AFAP1: variants seen among roughly 807,000 people sequenced by gnomAD.
AFAP1 encodes the protein actin filament associated protein 1, also known as actin filament-associated protein 1.
A neutral mutation model predicts 93.9 loss-of-function variants in AFAP1; 75 were observed. The observed-to-expected ratio is 0.80, with a 90% CI of 0.66 to 0.97. The LOEUF (loss-of-function observed/expected upper bound fraction) is 0.97. AFAP1 is among the 50% of genes least tolerant of loss of function. The probability of loss-of-function intolerance (pLI) is 0.00; values close to 1 mark genes in which losing one functional copy is unlikely to be tolerated. For missense variants in AFAP1, 1,201 were observed against 1,050.8 expected, an observed-to-expected ratio of 1.14 and a Z score of -1.98; for synonymous variants, 517 against 430.7, an observed-to-expected ratio of 1.20 and a Z score of -2.48.
chr4:7,855,098 C>T (rs571346037), intron 4 of AFAP1, among the ~76,000 whole-genome samples: 52 of 152,328 alleles, frequency 3.4e-4, no homozygotes, highest in Non-Finnish European at 2.2e-4. Context: ...CTGCTTTAAT[C>T]GTGGCAGAAT....
chr4:7,840,326 GTGTT>G (rs1712863400), intron 5 of AFAP1, among the ~76,000 whole-genome samples: 1 of 140,010 alleles, frequency 7.1e-6, no homozygotes, highest in Non-Finnish European at 1.5e-5. Flanking sequence ...GTGTGTGTGT[GTGTT>G]TGAGATGAAG....
chr4:7,799,624 G>C (rs1411124815), intron 10 of AFAP1, among the ~76,000 whole-genome samples: 5 of 152,290 alleles, frequency 3.3e-5, no homozygotes, highest in Middle Eastern at 3.4e-3. Context: ...TGAATGCACA[G>C]ATCTGTCTGT....
chr4:7,847,926 G>A (rs1421147968), intron 4 of AFAP1, among the ~76,000 whole-genome samples: 2 of 151,890 alleles, frequency 1.3e-5, no homozygotes, highest in Non-Finnish European at 2.9e-5. Flanking sequence ...TTGTTGATTA[G>A]GAAATGCTCT....
chr4:7,872,250 C>G (rs1259496727), intron 1 of AFAP1, 170 bp from the exon 2 acceptor site: 13 of 746,688 alleles, frequency 1.7e-5, no homozygotes, highest in Non-Finnish European at 2.7e-5. Context: ...ATTCAGGCGT[C>G]TTCTTCTTAA....
intron 7 of AFAP1, among the ~76,000 whole-genome samples, chr4:7,818,773 C>A (rs183050929): frequency 6.6e-6 from 1 of 152,248 alleles, no homozygotes; most frequent in Non-Finnish European, 1.5e-5. Flanking sequence ...CGGAAGTAGA[C>A]AGGCTTGCCT....
Position 7,763,617 on chromosome 4 carries a change from G to T in AFAP1, c.*148C>A. On this transcript the variant is annotated 3_prime_UTR_variant, in exon 18 of 18. Transcript: ENST00000420658. ...TAGAAAGAATACAAGTGGGCCTGGG[G>T]GACAGGCACTGGCCTCAGAGCTCAG... The T allele has an allele frequency of 1.2e-6, 1 of 800,558 alleles. No individual in the cohort carries two copies. Among genetic ancestry groups the T allele is most frequent in the Non-Finnish European group, 1.9e-6 (1 of 513,698 alleles). 49.6% of individuals were successfully genotyped at this position (800,558 alleles called of 1,614,324 possible).
At chr4:7,782,163 A>G (rs1716838857) in intron 12 of AFAP1, among the ~76,000 whole-genome samples, 1 of 152,216 alleles carries the variant, frequency 6.6e-6, no homozygotes, top group African/African-American at 2.4e-5. Context: ...TTCGTCTCAC[A>G]GTCATCCGGG....
chr4:7,848,902 T>C (rs1022366993), intron 4 of AFAP1, among the ~76,000 whole-genome samples: 1 of 152,210 alleles, frequency 6.6e-6, no homozygotes, highest in Admixed American at 6.5e-5. Context: ...AAAATGTTTA[T>C]TCCAGAAAAA....
chr4:7,800,712 C>A, intron 9 of AFAP1, 59 bp from the exon 10 acceptor site: 1 of 1,564,482 alleles, frequency 6.4e-7, no homozygotes, highest in Non-Finnish European at 8.8e-7. Context: ...GAGGTGAAGA[C>A]GTCTAGGGTC....
At chr4:7,930,554 A>C (rs1380780873) in intron 1 of AFAP1, among the ~76,000 whole-genome samples, 1 of 152,124 alleles carries the variant, frequency 6.6e-6, no homozygotes, top group African/African-American at 2.4e-5. Flanking sequence ...CTGTCATCTC[A>C]TTATCATACA....
intron 1 of AFAP1, among the ~76,000 whole-genome samples, chr4:7,885,688 T>C (rs569025718): frequency 6.6e-6 from 1 of 152,232 alleles, no homozygotes; most frequent in Non-Finnish European, 1.5e-5. Flanking sequence ...ATAGACAACA[T>C]TCCTGAGATC....
intron 3 of AFAP1, among the ~76,000 whole-genome samples, chr4:7,862,517 G>A (rs1175144521): frequency 1.3e-5 from 2 of 151,880 alleles, no homozygotes; most frequent in Non-Finnish European, 2.9e-5. Context: ...ACAATACTAC[G>A]AATGTACTTC....
At chr4:7,827,569 C>CAAAAAAAAAAGAAA (rs1721538228) in intron 6 of AFAP1, among the ~76,000 whole-genome samples, 1 of 52,254 alleles carries the variant, frequency 1.9e-5, no homozygotes, top group Non-Finnish European at 3.4e-5. Context: ...ACTCTGTCTC[C>CAAAAAAAAAAGAAA]AAAAAAAAAA....
chr4:7,842,199 G>A (rs1713096000), intron 5 of AFAP1, among the ~76,000 whole-genome samples: 1 of 143,504 alleles, frequency 7.0e-6, no homozygotes, highest in African/African-American at 2.6e-5. Context: ...TATGTACTCT[G>A]TTTTAAAAAA....
At chr4:7,828,444 G>A (rs1314243010) in intron 6 of AFAP1, among the ~76,000 whole-genome samples, 1 of 152,218 alleles carries the variant, frequency 6.6e-6, no homozygotes, top group African/African-American at 2.4e-5. Flanking sequence ...CACAGGAAGA[G>A]TCTGTCTCTC....
intron 1 of AFAP1, among the ~76,000 whole-genome samples, chr4:7,907,938 G>GT (rs1290547441): frequency 6.6e-6 from 1 of 152,146 alleles, no homozygotes; most frequent in Non-Finnish European, 1.5e-5. Flanking sequence ...TTAAAAGCAT[G>GT]AATACATACA....
chr4:7,772,586 C>T (rs1036489303), intron 16 of AFAP1: 1 of 534,538 alleles, frequency 1.9e-6, no homozygotes, highest in Non-Finnish European at 3.3e-6. Context: ...AAGACACAGA[C>T]TCAGCATTTC....
chr4:7,806,843 C>G (rs911032224), intron 9 of AFAP1, among the ~76,000 whole-genome samples: 1 of 152,184 alleles, frequency 6.6e-6, no homozygotes, highest in African/African-American at 2.4e-5. Flanking sequence ...TTCAGTATTC[C>G]TGCTCCCTGA....
At chr4:7,780,720 T>G (rs1716676919) in intron 13 of AFAP1, among the ~76,000 whole-genome samples, 1 of 152,064 alleles carries the variant, frequency 6.6e-6, no homozygotes, top group Non-Finnish European at 1.5e-5. Flanking sequence ...ATACAGGGTG[T>G]GCAATGGACA....
Sources: allele counts gnomAD v4.1 joint callset (sites outside exome capture counted in the v4.1 genomes callset), GRCh38; gene constraint gnomAD v4.1.1; transcripts MANE v1.5; gene names NCBI Gene and HGNC (gene_info 2026-07-23, HGNC 2026-07-21).